The following NUCB1 variants were observed in gnomAD, a reference collection of about 807,000 sequenced individuals.
NUCB1 encodes the protein nucleobindin 1, also known as nucleobindin-1.
NUCB1 carries 47 observed loss-of-function variants against 61.2 expected under a neutral mutation model. The observed-to-expected ratio is 0.77, with a 90% CI of 0.61 to 0.98. NUCB1 has a LOEUF of 0.98. Ranked by LOEUF, NUCB1 falls within the 50% of genes least tolerant of loss-of-function variation. The probability of loss-of-function intolerance (pLI) is 0.00; values close to 1 mark genes in which losing one functional copy is unlikely to be tolerated. For synonymous variants in NUCB1, 234 were observed against 243.1 expected, an observed-to-expected ratio of 0.96 and a Z score of 0.35; for missense variants, 583 against 605.3, an observed-to-expected ratio of 0.96 and a Z score of 0.39.
At position 48,923,268 on chromosome 19, in the gene NUCB1, C is replaced by G. The variant is rs936916841; in HGVS notation, c.*844C>G. 4 of 152,342 alleles carry G rather than the reference C, an allele frequency of 2.6e-5. No individual in the cohort carries two copies. Among genetic ancestry groups the G allele is most frequent in the African/African-American group, 9.6e-5 (4 of 41,472 alleles). The allele number at this position is 152,342 out of a possible 1,614,324, so 9.4% of individuals were successfully genotyped here. ...TTCCATCCAAATACACTTTCTGGAA[C>G]AAATGCATGGCTCCATGCCTGTGTA... is the stretch of plus-strand genomic sequence containing the variant. On this transcript the variant is annotated 3_prime_UTR_variant, in exon 13 of 13. Transcript: ENST00000405315.
intron 7 of NUCB1, among the ~76,000 whole-genome samples, chr19:48,918,036 G>GT (rs2037561078): frequency 6.6e-6 from 1 of 152,058 alleles, no homozygotes; most frequent in Non-Finnish European, 1.5e-5. Context: ...TTTAGGCAGA[G>GT]AAGAGACCCC....
chr19:48,921,045 C>T (rs1245510239), intron 10 of NUCB1, 109 bp from the exon 11 acceptor site: 3 of 1,255,148 alleles, frequency 2.4e-6, no homozygotes, highest in East Asian at 2.4e-5. Context: ...CCCACATGGC[C>T]CTGGCCTCCC....
intron 4 of NUCB1, among the ~76,000 whole-genome samples, chr19:48,909,153 G>A (rs1461601307): frequency 3.3e-5 from 5 of 151,876 alleles, no homozygotes; most frequent in African/African-American, 7.3e-5. Context: ...GCAGATGGCC[G>A]TCTTCTCACT....
intron 4 of NUCB1, 95 bp from the exon 5 acceptor site, chr19:48,911,054 A>T: frequency 1.2e-6 from 1 of 852,556 alleles, no homozygotes; most frequent in Non-Finnish European, 1.9e-6. Context: ...GGGCTTCCCT[A>T]GTGCTGTCCG....
At chr19:48,910,796 A>AACCCCTCAAGGGGTCTCAGTTTTC in intron 4 of NUCB1, 1 of 186,596 alleles carries the variant, frequency 5.4e-6, no homozygotes, top group Non-Finnish European at 1.1e-5. Flanking sequence ...GACCAGTCAC[A>AACCCCTCAAGGGGTCTCAGTTTTC]ACCCCTCAAG....
At chr19:48,916,323 G>C (rs2037539487) in intron 7 of NUCB1, among the ~76,000 whole-genome samples, 1 of 152,106 alleles carries the variant, frequency 6.6e-6, no homozygotes, top group Non-Finnish European at 1.5e-5. Flanking sequence ...CACAGCTCTA[G>C]AGAGGACATT....
In NUCB1 at chr19:48,900,902, AAGG is replaced by A; in HGVS notation, c.112_114del (p.Glu38del). On this transcript the variant is annotated inframe_deletion, in exon 2 of 13. Coordinates refer to ENST00000405315, the MANE Select transcript of NUCB1 (RefSeq NM_006184.6). ...CCCCCTGGAGCGAGGGGCGCCCAAC[AAGG>A]AGGAGACCCCTGCGACTGAGAGTCC... 3 of 1,613,858 alleles carry A rather than the reference AAGG, an allele frequency of 1.9e-6. No individual in the cohort carries two copies. Among genetic ancestry groups the A allele is most frequent in the East Asian group, 2.2e-5 (1 of 44,882 alleles).
intron 2 of NUCB1, chr19:48,901,141 C>A (rs1053571191): frequency 9.6e-6 from 6 of 625,250 alleles, no homozygotes; most frequent in Middle Eastern, 2.6e-4. Context: ...ATCTGCATCA[C>A]GCCCCAACTA....
rs1290804886 is a variant in NUCB1 at position 48,900,340 on chromosome 19, G to C, written c.-44G>C. ...AAGAACGCACCGGAGGTCCTTGCCCGCCCTGGAAAACGCCCTCTGCGGTGA... is the reference window on the plus strand; with the variant it reads ...AAGAACGCACCGGAGGTCCTTGCCCCCCCTGGAAAACGCCCTCTGCGGTGA... On this transcript the variant is annotated 5_prime_UTR_variant, in exon 1 of 13. Coordinates refer to ENST00000405315, the MANE Select transcript of NUCB1 (RefSeq NM_006184.6). The C allele has an allele frequency of 6.1e-6, 1 of 164,160 alleles. No homozygotes were observed. Among genetic ancestry groups the C allele is most frequent in the African/African-American group, 2.4e-5 (1 of 41,608 alleles). 10.2% of individuals were successfully genotyped at this position (164,160 alleles called of 1,614,324 possible). A position where few individuals can be genotyped will look rare whatever the true frequency, so the allele number is the denominator to read the frequency against.
In NUCB1 at chr19:48,921,878, C is replaced by T. The variant is rs1428309576; in HGVS notation, c.1225C>T (p.His409Tyr). The change falls in exon 12 of 13, where the codon CAC (histidine) becomes TAC (tyrosine). Residue 409 changes from histidine to tyrosine, a missense_variant. Coordinates refer to ENST00000405315, the MANE Select transcript of NUCB1 (RefSeq NM_006184.6). ...RKQQQQQQQG[H>Y]KAPAAHPEGQ... ...GCAGCAGCAGCAGCAGCAGCAAGGC[C>T]ACAAGGCCCCGGCTGCCCACCCTGA... The T allele has an allele frequency of 6.2e-7, 1 of 1,612,630 alleles. No individual in the cohort carries two copies. The highest frequency in any genetic ancestry group is 8.5e-7 in the Non-Finnish European group (1 of 1,179,886).
At chr19:48,913,342 G>A (rs1297127569) in intron 6 of NUCB1, 132 bp from the exon 7 acceptor site, 21 of 1,204,340 alleles carry the variant, frequency 1.7e-5, no homozygotes, top group East Asian at 2.4e-5. Flanking sequence ...AGGGTCTGCT[G>A]GGAGTTGTAG....
intron 7 of NUCB1, among the ~76,000 whole-genome samples, chr19:48,914,196 G>C (rs768165774): frequency 1.3e-5 from 2 of 152,024 alleles, no homozygotes; most frequent in Admixed American, 1.3e-4. Flanking sequence ...GGCTGGTCTC[G>C]AACTCCCAAC....
At chr19:48,902,937 G>GTATATATATA (rs111291447) in intron 2 of NUCB1, among the ~76,000 whole-genome samples, 70 of 147,014 alleles carry the variant, frequency 4.8e-4, no homozygotes, top group Admixed American at 8.2e-4. Flanking sequence ...GGTAAAGAAT[G>GTATATATATA]TATATATATA....
chr19:48,920,170 A>G (rs577789902), intron 10 of NUCB1, among the ~76,000 whole-genome samples: 1 of 152,122 alleles, frequency 6.6e-6, no homozygotes, highest in African/African-American at 2.4e-5. Context: ...CAGCCTCCCA[A>G]AGTGCTGGGA....
Position 48,913,463 on chromosome 19 carries a change from C to T in NUCB1, c.667-11C>T, listed in dbSNP as rs569959513. On this transcript the variant is annotated splice_polypyrimidine_tract_variant and intron_variant, in intron 6 of 12. Transcript: ENST00000405315. Reference sequence around the variant, plus strand: ...TTCTTGCTCATGAGCTCCTGGCTCTCCCCTCCACAGGGCAGCCAAGCCCAG... The same window carrying T: ...TTCTTGCTCATGAGCTCCTGGCTCTTCCCTCCACAGGGCAGCCAAGCCCAG... The T allele has an allele frequency of 3.8e-5, 61 of 1,612,468 alleles. No homozygotes were observed. Among genetic ancestry groups the T allele is most frequent in the Non-Finnish European group, 5.2e-5 (61 of 1,178,610 alleles).
intron 2 of NUCB1, among the ~76,000 whole-genome samples, chr19:48,902,372 G>C (rs2037360877): frequency 6.6e-6 from 1 of 150,766 alleles, no homozygotes; most frequent in Middle Eastern, 3.6e-3. Context: ...GCCTCCCAAA[G>C]TGGTGGGATT....
rs752172153 is a variant in NUCB1, at chr19:48,913,033, A to T, written c.503A>T (p.Tyr168Phe). Residue 168 changes from tyrosine (Y) to phenylalanine (F), a missense_variant, in exon 6 of 13, where the codon TAC becomes TTC. By Grantham distance (22) the Tyr-to-Phe change is conservative. Transcript: ENST00000405315. ...CAGGCCACCCGGGACCTTGCCCAGTACGACGCAGCCCATCATGAAGAGTTC... is the reference window on the plus strand; with the variant it reads ...CAGGCCACCCGGGACCTTGCCCAGTTCGACGCAGCCCATCATGAAGAGTTC... ...IQTATRDLAQYDAAHHEEFKR... is the reference protein window; with the variant it reads ...IQTATRDLAQFDAAHHEEFKR... The T allele has an allele frequency of 1.3e-5, 21 of 1,612,860 alleles. No individual in the cohort carries two copies. In the South Asian group the frequency reaches 2.3e-4, roughly 18 times the overall value.
Position 48,919,072 on chromosome 19 carries a change from C to T in NUCB1, c.859C>T (p.Arg287Trp), listed in dbSNP as rs1396137349. 1 of 1,613,860 alleles carries T rather than the reference C, an allele frequency of 6.2e-7. No individual in the cohort carries two copies. The highest frequency in any genetic ancestry group is 8.5e-7 in the Non-Finnish European group (1 of 1,179,984). ...YDPKNEEDDM[R>W]EMEEERLRMR... ...CCCAAAGAATGAGGAGGACGACATGCGGGAGATGGAGGAGGAGCGACTGCG... is the reference window on the plus strand; with the variant it reads ...CCCAAAGAATGAGGAGGACGACATGTGGGAGATGGAGGAGGAGCGACTGCG... The change falls in exon 9 of 13, where the codon CGG becomes TGG. Residue 287 changes from arginine (R) to tryptophan (W), a missense_variant. Coordinates refer to ENST00000405315, the MANE Select transcript of NUCB1 (RefSeq NM_006184.6).
At chr19:48,901,569 GC>G (rs1243175825) in intron 2 of NUCB1, among the ~76,000 whole-genome samples, 3 of 152,180 alleles carry the variant, frequency 2.0e-5, no homozygotes, top group Admixed American at 2.0e-4. Flanking sequence ...TTCAAGACCA[GC>G]CTGGCCAACA....
Sources: allele counts gnomAD v4.1 joint callset (sites outside exome capture counted in the v4.1 genomes callset), GRCh38; gene constraint gnomAD v4.1.1; transcripts MANE v1.5; gene names NCBI Gene and HGNC (gene_info 2026-07-23, HGNC 2026-07-21).